Variants in ERCC8 observed in about 807,000 individuals in gnomAD.
ERCC8 encodes the protein DNA excision repair protein ERCC-8.
In ERCC8, 52 loss-of-function variants were observed where a neutral mutation model predicts 54.9. The observed-to-expected ratio is 0.95, with a 90% CI of 0.76 to 1.19. The LOEUF (loss-of-function observed/expected upper bound fraction) is 1.19, where lower values mean the gene tolerates loss of function less well. Among genes scored for constraint, ERCC8 ranks in the 50% most tolerant of loss-of-function variants. The probability of loss-of-function intolerance (pLI) is 0.00; values close to 1 mark genes in which losing one functional copy is unlikely to be tolerated. For missense variants in ERCC8, 514 were observed against 466.1 expected, an observed-to-expected ratio of 1.10 and a Z score of -0.95; for synonymous variants, 146 against 157.2, an observed-to-expected ratio of 0.93 and a Z score of 0.53.
chr5:60,905,408 C>T (rs916866457), intron 4 of ERCC8, among the ~76,000 whole-genome samples: 1 of 152,134 alleles, frequency 6.6e-6, no homozygotes, highest in Admixed American at 6.5e-5. Context: ...TCTTCCTCTC[C>T]AGCTTGGATT....
rs1329769668 is a variant in ERCC8 at position 60,871,414 on chromosome 5, G to A, written c.*3201C>T. On this transcript the variant is annotated 3_prime_UTR_variant, in exon 12 of 12. Transcript: ENST00000676185. ...AATACATCCCCTATATGTCTGCATA[G>A]ATATATATAGGATTGCAATATGAAA... 6.6e-6 allele frequency among the ~76,000 whole-genome samples: 1 copy of A among 152,142 alleles called. No individual in the cohort carries two copies. The highest frequency in any genetic ancestry group is 2.4e-5 in the African/African-American group (1 of 41,436).
In ERCC8 at chr5:60,878,783, T is replaced by C. The variant is rs148370713; in HGVS notation, c.1123-4100A>G. Among the ~76,000 whole-genome samples the C allele has an allele frequency of 6.6e-3, 1,012 of 152,258 alleles. 8 individuals carry two copies. Among genetic ancestry groups the C allele is most frequent in the Middle Eastern group, 0.014 (4 of 294 alleles). ...TTTTCTTCTTTATTACTCTTGCTAG[T>C]GGTCTATCAATTTTGTTGATCTTTT... On this transcript the variant is annotated intron_variant, in intron 11 of 11. Coordinates refer to ENST00000676185, the MANE Select transcript of ERCC8 (RefSeq NM_000082.4).
At chr5:60,883,110 A>C (rs1748293714) in intron 11 of ERCC8, among the ~76,000 whole-genome samples, 1 of 152,262 alleles carries the variant, frequency 6.6e-6, no homozygotes, top group Non-Finnish European at 1.5e-5. Flanking sequence ...AAAACTCAAC[A>C]GAAAAGCAAA....
At chr5:60,895,773 C>T (rs1748706557) in intron 9 of ERCC8, among the ~76,000 whole-genome samples, 2 of 152,174 alleles carry the variant, frequency 1.3e-5, no homozygotes, top group Admixed American at 6.5e-5. Flanking sequence ...TTATAAACTG[C>T]TAGACTGTGA....
At chr5:60,919,499 A>C (rs944893464) in intron 3 of ERCC8, 3 of 152,034 alleles carry the variant, frequency 2.0e-5, no homozygotes, top group Admixed American at 1.3e-4. Flanking sequence ...AGGAATGAGA[A>C]CACAAAGAAG....
At chr5:60,884,287 G>C (rs1748329024) in intron 11 of ERCC8, among the ~76,000 whole-genome samples, 1 of 151,832 alleles carries the variant, frequency 6.6e-6, no homozygotes, top group Non-Finnish European at 1.5e-5. Context: ...AGACCATCCT[G>C]TGAATTGTGA....
chr5:60,920,581 CTT>C (rs916896333), intron 3 of ERCC8, among the ~76,000 whole-genome samples: 36 of 151,856 alleles, frequency 2.4e-4, no homozygotes, highest in African/African-American at 6.7e-4. Flanking sequence ...TAATAATAGT[CTT>C]TATTGAAATT....
intron 3 of ERCC8, 176 bp from the exon 4 acceptor site, chr5:60,918,564 T>A (rs184743153): frequency 3.2e-6 from 2 of 615,994 alleles, no homozygotes; most frequent in Admixed American, 4.7e-5. Context: ...ATCTCTAGAT[T>A]CAGGCTCCCA....
chr5:60,927,923 C>T (rs1749799274), intron 2 of ERCC8, among the ~76,000 whole-genome samples: 1 of 152,172 alleles, frequency 6.6e-6, no homozygotes. Context: ...CAAATCTGTT[C>T]TGACTTGACT....
intron 4 of ERCC8, among the ~76,000 whole-genome samples, chr5:60,913,090 G>C: frequency 6.6e-6 from 1 of 152,054 alleles, no homozygotes; most frequent in Non-Finnish European, 1.5e-5. Flanking sequence ...TTGTTATCAG[G>C]ATGATGCTGG....
intron 4 of ERCC8, among the ~76,000 whole-genome samples, chr5:60,906,600 G>A (rs893931614): frequency 6.6e-6 from 1 of 151,872 alleles, no homozygotes; most frequent in African/African-American, 2.4e-5. Context: ...GTGGTGGCAG[G>A]CGCCTGTAAT....
intron 4 of ERCC8, chr5:60,909,580 G>A (rs1024482195): frequency 1.9e-5 from 3 of 155,890 alleles, no homozygotes; most frequent in African/African-American, 4.8e-5. Context: ...CACTTCCACT[G>A]ACTTAGTAGT....
intron 2 of ERCC8, 37 bp downstream of exon 2, chr5:60,928,827 A>G (rs1561514851): frequency 1.7e-6 from 2 of 1,192,494 alleles, no homozygotes; most frequent in Non-Finnish European, 2.5e-6. Flanking sequence ...CATTTCACTT[A>G]GAAAGAAAAA....
chr5:60,874,449 C>T lies in ERCC8; in HGVS notation c.*166G>A. On this transcript the variant is annotated 3_prime_UTR_variant, in exon 12 of 12. Transcript: ENST00000676185. The stretch of plus-strand genomic sequence containing the variant: ...TTGACTAAATAAACTATACAGAAGT[C>T]TGTTTTAGGATTTTATGCAAATATT... 1.5e-6 allele frequency: 1 copy of T among 649,988 alleles called. No individual in the cohort carries two copies. The highest frequency in any genetic ancestry group is 2.7e-6 in the Non-Finnish European group (1 of 372,512). 40.3% of individuals were successfully genotyped at this position (649,988 alleles called of 1,614,324 possible). A position where few individuals can be genotyped will look rare whatever the true frequency, so the allele number is the denominator to read the frequency against.
At chr5:60,894,063 C>T (rs1748651965) in intron 9 of ERCC8, among the ~76,000 whole-genome samples, 1 of 149,990 alleles carries the variant, frequency 6.7e-6, no homozygotes, top group South Asian at 2.1e-4. Flanking sequence ...AGGCTCACTG[C>T]AAGCTCCGCC....
chr5:60,906,280 C>T (rs528763516), intron 4 of ERCC8, among the ~76,000 whole-genome samples: 3 of 152,130 alleles, frequency 2.0e-5, no homozygotes, highest in African/African-American at 7.2e-5. Flanking sequence ...AAGCAATCCA[C>T]CCTCCTTGGC....
chr5:60,897,945 C>A (rs1580001217), intron 9 of ERCC8, among the ~76,000 whole-genome samples: 1 of 152,144 alleles, frequency 6.6e-6, no homozygotes, highest in Non-Finnish European at 1.5e-5. Flanking sequence ...GGATACTCAA[C>A]CTATATAAAA....
Position 60,904,916 on chromosome 5 carries a change from A to T in ERCC8, c.400-43T>A, listed in dbSNP as rs370547822. Reference sequence around the variant, plus strand: ...TTTAAAAAGTATAAGGTTTAAGTATAAAAACAAAGCAATAAATTTTCTATT... The same window carrying T: ...TTTAAAAAGTATAAGGTTTAAGTATTAAAACAAAGCAATAAATTTTCTATT... On this transcript the variant is annotated intron_variant, in intron 4 of 11. Coordinates refer to ENST00000676185, the MANE Select transcript of ERCC8 (RefSeq NM_000082.4). 55 of 973,548 alleles carry T rather than the reference A, an allele frequency of 5.6e-5. No individual in the cohort carries two copies. In the African/African-American group the frequency reaches 8.0e-4, roughly 14 times the overall value. The allele number at this position is 973,548 out of a possible 1,614,324, so 60.3% of individuals were successfully genotyped here.
chr5:60,888,886 T>A lies in ERCC8; in HGVS notation c.1042-1366A>T, dbSNP rs572841074. On this transcript the variant is annotated intron_variant, in intron 10 of 11. Transcript: ENST00000676185. Reference sequence around the variant, plus strand: ...TATTACCACCATCTAAAGACCACATTCATGTTTCATTATTTGTTCCAATAC... The same window carrying A: ...TATTACCACCATCTAAAGACCACATACATGTTTCATTATTTGTTCCAATAC... Among the ~76,000 whole-genome samples the A allele has an allele frequency of 5.9e-5, 9 of 152,326 alleles. No individual in the cohort carries two copies. In the South Asian group the frequency reaches 1.9e-3, roughly 32 times the overall value.
Sources: allele counts gnomAD v4.1 joint callset (sites outside exome capture counted in the v4.1 genomes callset), GRCh38; gene constraint gnomAD v4.1.1; transcripts MANE v1.5; gene names NCBI Gene and HGNC (gene_info 2026-07-23, HGNC 2026-07-21).